Variants in ADK observed in about 807,000 individuals in gnomAD.
ADK encodes N6,N6-dimethyladenosine kinase.
In ADK, 24 loss-of-function variants were observed where a neutral mutation model predicts 44.7. The ratio of observed to expected loss-of-function variants is 0.54; its 90% CI spans 0.39 to 0.76. The LOEUF (loss-of-function observed/expected upper bound fraction) is 0.76. Among genes scored for constraint, ADK ranks in the 30% least tolerant of loss-of-function variants. The pLI is 0.00. For synonymous variants in ADK, 128 were observed against 142.6 expected (o/e 0.90, Z 0.73); for missense variants, 321 against 425.1 (o/e 0.76, Z 2.15).
intron 3 of ADK, among the ~76,000 whole-genome samples, chr10:74,266,721 C>T (rs982349328): frequency 6.6e-6 from 1 of 151,912 alleles, no homozygotes; most frequent in African/African-American, 2.4e-5. Context: ...AGTTTGTCCA[C>T]CAAATAAACT....
chr10:74,380,831 CAT>C (rs1339878435), intron 4 of ADK, among the ~76,000 whole-genome samples: 1 of 152,118 alleles, frequency 6.6e-6, no homozygotes, highest in Non-Finnish European at 1.5e-5. Context: ...TAATTATACT[CAT>C]ATAGTCATAC....
At chr10:74,635,421 TAA>T (rs1853590143) in intron 9 of ADK, among the ~76,000 whole-genome samples, 1 of 152,146 alleles carries the variant, frequency 6.6e-6, no homozygotes, top group African/African-American at 2.4e-5. Flanking sequence ...TATATAAACA[TAA>T]GAGTATATAC....
intron 2 of ADK, among the ~76,000 whole-genome samples, chr10:74,217,142 T>G (rs563836541): frequency 6.6e-6 from 1 of 152,208 alleles, no homozygotes; most frequent in Non-Finnish European, 1.5e-5. Flanking sequence ...AGATGGCACC[T>G]GGAAAATCGG....
At chr10:74,534,526 A>G (rs982231099) in intron 7 of ADK, among the ~76,000 whole-genome samples, 2 of 152,214 alleles carry the variant, frequency 1.3e-5, no homozygotes, top group African/African-American at 4.8e-5. Flanking sequence ...GACAACTAAA[A>G]ATTATCATAA....
At chr10:74,569,833 T>C (rs1324716441) in intron 7 of ADK, among the ~76,000 whole-genome samples, 1 of 152,204 alleles carries the variant, frequency 6.6e-6, no homozygotes, top group Non-Finnish European at 1.5e-5. Flanking sequence ...GTGTCTTAGA[T>C]TTGAAGTCCT....
chr10:74,430,154 A>G (rs1221063682), intron 6 of ADK, among the ~76,000 whole-genome samples: 1 of 152,156 alleles, frequency 6.6e-6, no homozygotes, highest in Non-Finnish European at 1.5e-5. Flanking sequence ...GCTTTTTTTA[A>G]TTAATTTTTT....
rs1840064130 is a variant in ADK, at chr10:74,302,101, GTTTGTTTGTTTTTTTTTTT to G, written c.195-12562_195-12544del. Among the ~76,000 whole-genome samples, 17 of 11,702 alleles carry G rather than the reference GTTTGTTTGTTTTTTTTTTT, an allele frequency of 1.5e-3. 1 individual carries two copies. The highest frequency in any genetic ancestry group is 2.5e-3 in the Non-Finnish European group (14 of 5,500). The allele number at this position is 11,702 out of a possible 152,430, so 7.7% of individuals were successfully genotyped here. ...TTCTTTTCTTTTCTGTTTTTTTTTT[GTTTGTTTGTTTTTTTTTTT>G]TTTTTTTTTTTTTTTTTTTTTTTTT... On this transcript the variant is annotated intron_variant, in intron 3 of 10. Transcript: ENST00000539909.
chr10:74,398,417 A>T, intron 5 of ADK, 54 bp from the exon 6 acceptor site: 1 of 1,221,694 alleles, frequency 8.2e-7, no homozygotes, highest in Non-Finnish European at 1.2e-6. Context: ...TATCTATTGA[A>T]ACATATGCTA....
intron 4 of ADK, among the ~76,000 whole-genome samples, chr10:74,379,564 T>C (rs367876744): frequency 1.3e-5 from 2 of 152,302 alleles, no homozygotes; most frequent in East Asian, 3.9e-4. Context: ...ACCGTTTTCA[T>C]CTCCCTGAGC....
At chr10:74,363,608 A>G (rs1842409482) in intron 4 of ADK, among the ~76,000 whole-genome samples, 1 of 151,820 alleles carries the variant, frequency 6.6e-6, no homozygotes. Context: ...CTGAGCATGC[A>G]TCTCACCAGT....
chr10:74,368,994 AG>A (rs1047239926), intron 4 of ADK, among the ~76,000 whole-genome samples: 2 of 152,112 alleles, frequency 1.3e-5, no homozygotes, highest in African/African-American at 4.8e-5. Flanking sequence ...ATTTTTCTCC[AG>A]GGTGTTGGTA....
chr10:74,403,689 C>G (rs978897335), intron 6 of ADK, among the ~76,000 whole-genome samples: 1 of 152,132 alleles, frequency 6.6e-6, no homozygotes, highest in Non-Finnish European at 1.5e-5. Context: ...CAACCCCTTG[C>G]GCTTCCCAGG....
intron 3 of ADK, among the ~76,000 whole-genome samples, chr10:74,291,499 A>G (rs764950298): frequency 3.9e-5 from 6 of 152,132 alleles, no homozygotes; most frequent in Admixed American, 6.6e-5. Context: ...CTACCAAAAC[A>G]TTATATAGAT....
chr10:74,505,789 C>T (rs1043201129), intron 6 of ADK, among the ~76,000 whole-genome samples: 4 of 152,096 alleles, frequency 2.6e-5, no homozygotes, highest in Admixed American at 1.3e-4. Context: ...GTGTAATGAT[C>T]TTTAAAGGTC....
chr10:74,610,475 T>G (rs1164250689), intron 9 of ADK, among the ~76,000 whole-genome samples: 1 of 152,148 alleles, frequency 6.6e-6, no homozygotes, highest in Non-Finnish European at 1.5e-5. Context: ...GATGAAAAAG[T>G]TGTAAAGATG....
Position 74,414,488 on chromosome 10 carries a change from C to T in ADK, c.555+15909C>T, listed in dbSNP as rs534980245. 2.0e-4 allele frequency among the ~76,000 whole-genome samples: 31 copies of T among 152,266 alleles called. 1 individual carries two copies. The highest frequency in any genetic ancestry group is 7.5e-4 in the African/African-American group (31 of 41,566). On this transcript the variant is annotated intron_variant, in intron 6 of 10. Coordinates refer to ENST00000539909, the MANE Select transcript of ADK (RefSeq NM_006721.4). The stretch of plus-strand genomic sequence containing the variant: ...TGGTGGCTCACGCCTGTAATCCCAG[C>T]ATTTTGGGAGGCCGAGGTGGGCAGA...
At chr10:74,495,813 T>C (rs1412588007) in intron 6 of ADK, among the ~76,000 whole-genome samples, 1 of 152,206 alleles carries the variant, frequency 6.6e-6, no homozygotes, top group Admixed American at 6.5e-5. Context: ...ATTATCTCCC[T>C]ATTTTCAGCT....
intron 7 of ADK, among the ~76,000 whole-genome samples, chr10:74,569,787 AT>A (rs1472961377): frequency 6.6e-6 from 1 of 152,106 alleles, no homozygotes; most frequent in Non-Finnish European, 1.5e-5. Context: ...ATCAGATCCC[AT>A]TTGTCAATTT....
At chr10:74,175,053 A>G (rs886635151) in intron 1 of ADK, among the ~76,000 whole-genome samples, 31 of 152,254 alleles carry the variant, frequency 2.0e-4, no homozygotes, top group Admixed American at 7.9e-4. Context: ...CTGTAGAAAT[A>G]TAATGCAAGA....
Sources: allele counts gnomAD v4.1 joint callset (sites outside exome capture counted in the v4.1 genomes callset), GRCh38; gene constraint gnomAD v4.1.1; transcripts MANE v1.5; gene names NCBI Gene and HGNC (gene_info 2026-07-23, HGNC 2026-07-21).